GPC5: variants seen among roughly 807,000 people sequenced by gnomAD.
GPC5 encodes the protein glypican 5, also known as glypican-5.
GPC5 carries 47 observed loss-of-function variants against 53.9 expected under a neutral mutation model. The ratio of observed to expected loss-of-function variants is 0.87; its 90% CI spans 0.69 to 1.11. The LOEUF is 1.11. GPC5 is among the 50% of genes most tolerant of loss of function. GPC5 has a pLI of 0.00. For missense variants in GPC5, 748 were observed against 713.1 expected (o/e 1.05, Z -0.56); for synonymous variants, 286 against 263.3 (o/e 1.09, Z -0.84).
chr13:91,572,641 G>A (rs1335238678), intron 2 of GPC5, among the ~76,000 whole-genome samples: 1 of 151,942 alleles, frequency 6.6e-6, no homozygotes, highest in African/African-American at 2.4e-5. Context: ...GGGAGGGAGG[G>A]CACCAAGCTA....
At chr13:91,902,255 A>C (rs1170200155) in intron 5 of GPC5, among the ~76,000 whole-genome samples, 1 of 152,084 alleles carries the variant, frequency 6.6e-6, no homozygotes, top group Non-Finnish European at 1.5e-5. Flanking sequence ...AAATAGGACA[A>C]GCTGGTAAAG....
intron 6 of GPC5, among the ~76,000 whole-genome samples, chr13:92,078,726 C>T (rs2041271895): frequency 6.6e-6 from 1 of 152,144 alleles, no homozygotes; most frequent in African/African-American, 2.4e-5. Flanking sequence ...TAAGAATACC[C>T]ACTAGTAGTC....
intron 5 of GPC5, among the ~76,000 whole-genome samples, chr13:91,772,747 G>T (rs921474627): frequency 1.3e-5 from 2 of 152,050 alleles, no homozygotes; most frequent in Non-Finnish European, 2.9e-5. Flanking sequence ...CAAGTGCAGT[G>T]GTCTCCAAAG....
intron 7 of GPC5, among the ~76,000 whole-genome samples, chr13:92,765,450 T>C (rs888753553): frequency 6.6e-6 from 1 of 152,260 alleles, no homozygotes; most frequent in Non-Finnish European, 1.5e-5. Flanking sequence ...AGTTTTGTTC[T>C]ACTAAAAAGA....
At chr13:91,442,562 T>C (rs1880516510) in intron 1 of GPC5, among the ~76,000 whole-genome samples, 1 of 152,252 alleles carries the variant, frequency 6.6e-6, no homozygotes, top group Non-Finnish European at 1.5e-5. Flanking sequence ...CTTATGTATC[T>C]GTTGAGAATC....
intron 6 of GPC5, among the ~76,000 whole-genome samples, chr13:91,937,925 T>C (rs550770876): frequency 3.3e-5 from 5 of 152,004 alleles, no homozygotes; most frequent in Non-Finnish European, 5.9e-5. Flanking sequence ...CTTATATTGG[T>C]AACACATCTG....
At chr13:92,712,356 T>G (rs1208840232) in intron 7 of GPC5, among the ~76,000 whole-genome samples, 4 of 151,768 alleles carry the variant, frequency 2.6e-5, no homozygotes, top group Non-Finnish European at 5.9e-5. Flanking sequence ...TAAGAAAATT[T>G]TATATAAATT....
chr13:92,442,459 A>G (rs947045367), intron 7 of GPC5, among the ~76,000 whole-genome samples: 1 of 152,306 alleles, frequency 6.6e-6, no homozygotes, highest in Middle Eastern at 3.4e-3. Flanking sequence ...AGATCCTGGG[A>G]CCCATAATAT....
chr13:92,349,212 C>T (rs1456296324), intron 7 of GPC5, among the ~76,000 whole-genome samples: 5 of 152,080 alleles, frequency 3.3e-5, no homozygotes, highest in South Asian at 2.1e-4. Flanking sequence ...GGCACGATCT[C>T]GGCTCACTGC....
chr13:91,967,581 G>A (rs2040192857), intron 6 of GPC5, among the ~76,000 whole-genome samples: 1 of 151,790 alleles, frequency 6.6e-6, no homozygotes, highest in Non-Finnish European at 1.5e-5. Flanking sequence ...GAACTCATAT[G>A]CTTTTACTAA....
chr13:92,260,028 C>A (rs1036163034), intron 7 of GPC5, among the ~76,000 whole-genome samples: 3 of 152,238 alleles, frequency 2.0e-5, no homozygotes, highest in Non-Finnish European at 4.4e-5. Flanking sequence ...TAATCTGCAG[C>A]CTTAGCAACT....
rs530449035 is a variant in GPC5, at chr13:91,754,652, T to G, written c.1155-1643T>G. 2.6e-5 allele frequency among the ~76,000 whole-genome samples: 4 copies of G among 152,264 alleles called. No individual in the cohort carries two copies. In the South Asian group the frequency reaches 8.3e-4, roughly 32 times the overall value. ...AGGAGTCACACATCCTGCCATTCATTAAATCCCACCTTTCTAAAAAAGAAT... is the reference window on the plus strand; with the variant it reads ...AGGAGTCACACATCCTGCCATTCATGAAATCCCACCTTTCTAAAAAAGAAT... On this transcript the variant is annotated intron_variant, in intron 4 of 7. Coordinates refer to ENST00000377067, the MANE Select transcript of GPC5 (RefSeq NM_004466.6).
chr13:92,679,229 C>T (rs1426651492), intron 7 of GPC5, among the ~76,000 whole-genome samples: 1 of 152,126 alleles, frequency 6.6e-6, no homozygotes, highest in African/African-American at 2.4e-5. Flanking sequence ...GATACTTTAA[C>T]GTTTGGCCAT....
At chr13:91,640,435 C>T (rs975926287) in intron 2 of GPC5, among the ~76,000 whole-genome samples, 5 of 152,190 alleles carry the variant, frequency 3.3e-5, no homozygotes, top group Non-Finnish European at 2.9e-5. Flanking sequence ...GAGATACCAT[C>T]TCACGCCAGT....
intron 7 of GPC5, among the ~76,000 whole-genome samples, chr13:92,425,944 A>G (rs1876812690): frequency 1.3e-5 from 2 of 152,112 alleles, no homozygotes; most frequent in South Asian, 4.1e-4. Flanking sequence ...TTACACATTT[A>G]TAGTTGGTGT....
At chr13:92,007,719 T>C (rs1231647656) in intron 6 of GPC5, among the ~76,000 whole-genome samples, 2 of 152,196 alleles carry the variant, frequency 1.3e-5, no homozygotes, top group Non-Finnish European at 2.9e-5. Flanking sequence ...GATTTGAAAT[T>C]ATAGTTCTCC....
At chr13:92,335,160 C>G (rs933446402) in intron 7 of GPC5, among the ~76,000 whole-genome samples, 1 of 152,176 alleles carries the variant, frequency 6.6e-6, no homozygotes, top group Non-Finnish European at 1.5e-5. Flanking sequence ...ACACCTCGGC[C>G]TAGACATCCA....
At chr13:91,602,995 A>G (rs2033228682) in intron 2 of GPC5, among the ~76,000 whole-genome samples, 1 of 152,180 alleles carries the variant, frequency 6.6e-6, no homozygotes, top group African/African-American at 2.4e-5. Context: ...AGGAATGAGG[A>G]CTTTCTCTGT....
At chr13:91,904,053 A>G (rs946447114) in intron 5 of GPC5, among the ~76,000 whole-genome samples, 1 of 151,798 alleles carries the variant, frequency 6.6e-6, no homozygotes, top group African/African-American at 2.4e-5. Flanking sequence ...CCTGCCAACA[A>G]CAGTTATATT....
Sources: allele counts gnomAD v4.1 joint callset (sites outside exome capture counted in the v4.1 genomes callset), GRCh38; gene constraint gnomAD v4.1.1; transcripts MANE v1.5; gene names NCBI Gene and HGNC (gene_info 2026-07-23, HGNC 2026-07-21).